The following SLC30A1 variants were observed in gnomAD, a reference collection of about 807,000 sequenced individuals.
SLC30A1 encodes the protein proton-coupled zinc antiporter SLC30A1.
SLC30A1 carries 7 observed loss-of-function variants against 29.8 expected under a neutral mutation model. That is an observed-to-expected ratio of 0.23 (90% CI 0.13 to 0.44). The LOEUF is 0.44. Ranked by LOEUF, SLC30A1 falls within the 20% of genes least tolerant of loss-of-function variation. The pLI, the probability that SLC30A1 is intolerant of heterozygous loss-of-function variation, is 1.00. For missense variants in SLC30A1, 446 were observed against 647.9 expected (o/e 0.69, Z 3.38); for synonymous variants, 254 against 253.5 (o/e 1.00, Z -0.02).
At position 211,575,181 on chromosome 1, in the gene SLC30A1, A is replaced by G; in HGVS notation, c.*207T>C. The G allele has an allele frequency of 2.2e-6, 1 of 461,668 alleles. No homozygotes were observed. Among genetic ancestry groups the G allele is most frequent in the South Asian group, 4.7e-5 (1 of 21,212 alleles). 28.6% of individuals were successfully genotyped at this position (461,668 alleles called of 1,614,324 possible). A position where few individuals can be genotyped will look rare whatever the true frequency, so the allele number is the denominator to read the frequency against. On this transcript the variant is annotated 3_prime_UTR_variant, in exon 2 of 2. Coordinates refer to ENST00000367001, the MANE Select transcript of SLC30A1 (RefSeq NM_021194.3). This position sits in a 1 kb window ranked among gnomAD's most constrained non-coding sequence, Gnocchi z 6.0. ...AAAACTGGCTTTCCAAAACAGTCAC[A>G]GCATAGCTGTACTCTGTACTAATAA...
rs1047304455 is a variant in SLC30A1, at chr1:211,577,911, C to T, written c.622+80G>A. The stretch of plus-strand genomic sequence containing the variant: ...GCCCGCTCGGGCAGCAGGGGGCGTG[C>T]GGGCCACCCCGCCGAAGGCCAGGCG... On this transcript the variant is annotated intron_variant, in intron 1 of 1. Coordinates refer to ENST00000367001, the MANE Select transcript of SLC30A1 (RefSeq NM_021194.3). This position sits in a 1 kb window ranked among gnomAD's most constrained non-coding sequence, Gnocchi z 4.5. The T allele has an allele frequency of 6.4e-7, 1 of 1,568,732 alleles. No homozygotes were observed. Among genetic ancestry groups the T allele is most frequent in the Non-Finnish European group, 8.6e-7 (1 of 1,158,648 alleles).
chr1:211,576,355 T>G, intron 1 of SLC30A1, 66 bp from the exon 2 acceptor site: 1 of 1,120,058 alleles, frequency 8.9e-7, no homozygotes, highest in South Asian at 1.8e-5. Context: ...CCTTGTCTAA[T>G]TCTTTTTAAG....
At position 211,571,846 on chromosome 1, in the gene SLC30A1, C is replaced by T. The variant is rs1316942019; in HGVS notation, c.*3542G>A. 1 of 152,160 alleles carries T rather than the reference C, an allele frequency of 6.6e-6. No homozygotes were observed. Among genetic ancestry groups the T allele is most frequent in the Non-Finnish European group, 1.5e-5 (1 of 68,008 alleles). The allele number at this position is 152,160 out of a possible 1,614,324, so 9.4% of individuals were successfully genotyped here. On this transcript the variant is annotated 3_prime_UTR_variant, in exon 2 of 2. Transcript: ENST00000367001. ...GGCCCAAAGGACAGGCAACAGAAGA[C>T]ACAAAACAACACAACATATAAGTTT...
In SLC30A1 at chr1:211,575,376, C is replaced by G. The variant is rs201049709; in HGVS notation, c.*12G>C. 6.4e-7 allele frequency: 1 copy of G among 1,555,272 alleles called. No homozygotes were observed. Among genetic ancestry groups the G allele is most frequent in the African/African-American group, 1.4e-5 (1 of 72,444 alleles). On this transcript the variant is annotated 3_prime_UTR_variant, in exon 2 of 2. Transcript: ENST00000367001. This position sits in a 1 kb window ranked among gnomAD's most constrained non-coding sequence, Gnocchi z 6.0. ...TTAAAGCAAAAGTCAAATATCACAT[C>G]TTTTTCAAGACTCACAAAGATGATT...
rs940213473 is a variant in SLC30A1 at position 211,571,658 on chromosome 1, A to C, written c.*3730T>G. On this transcript the variant is annotated 3_prime_UTR_variant, in exon 2 of 2. Transcript: ENST00000367001. Reference sequence around the variant, plus strand: ...GTCTCATATAGAACATTTATAATACATAACAATCCATAAAGCCTCATGGTG... The same window carrying C: ...GTCTCATATAGAACATTTATAATACCTAACAATCCATAAAGCCTCATGGTG... 3 of 146,464 alleles carry C rather than the reference A, an allele frequency of 2.0e-5. No individual in the cohort carries two copies. The highest frequency in any genetic ancestry group is 7.3e-5 in the African/African-American group (3 of 41,086). 9.1% of individuals were successfully genotyped at this position (146,464 alleles called of 1,614,324 possible).
Position 211,579,022 on chromosome 1 carries a change from C to G in SLC30A1, c.-410G>C, listed in dbSNP as rs1394440183. ...CAGGAGAGGGCGACGGGCAGCTTCGCGCCGAGAAAGCTCCGAGCATCTGAG... is the reference window on the plus strand; with the variant it reads ...CAGGAGAGGGCGACGGGCAGCTTCGGGCCGAGAAAGCTCCGAGCATCTGAG... On this transcript the variant is annotated 5_prime_UTR_variant, in exon 1 of 2. Coordinates refer to ENST00000367001, the MANE Select transcript of SLC30A1 (RefSeq NM_021194.3). Among the ~76,000 whole-genome samples, 1 of 152,158 alleles carries G rather than the reference C, an allele frequency of 6.6e-6. No individual in the cohort carries two copies. The highest frequency in any genetic ancestry group is 1.5e-5 in the Non-Finnish European group (1 of 68,012).
chr1:211,571,826 A>G lies in SLC30A1; in HGVS notation c.*3562T>C, dbSNP rs1439490375. ...CATTTAACTGGCCCACATCTGGCCC[A>G]AAGGACAGGCAACAGAAGACACAAA... On this transcript the variant is annotated 3_prime_UTR_variant, in exon 2 of 2. Coordinates refer to ENST00000367001, the MANE Select transcript of SLC30A1 (RefSeq NM_021194.3). The G allele has an allele frequency of 6.6e-6, 1 of 152,216 alleles. No homozygotes were observed. The highest frequency in any genetic ancestry group is 1.5e-5 in the Non-Finnish European group (1 of 68,018). The allele number at this position is 152,216 out of a possible 1,614,324, so 9.4% of individuals were successfully genotyped here.
rs745742605 is a variant in SLC30A1, at chr1:211,575,341, C to G, written c.*47G>C. ...TTAGAATTTCAGTGGAGTCTTTTTC[C>G]TCTTGCAGTTTAAAGCAAAAGTCAA... On this transcript the variant is annotated 3_prime_UTR_variant, in exon 2 of 2. Transcript: ENST00000367001. This position sits in a 1 kb window ranked among gnomAD's most constrained non-coding sequence, Gnocchi z 6.0. 1 of 1,481,324 alleles carries G rather than the reference C, an allele frequency of 6.8e-7. No individual in the cohort carries two copies. The highest frequency in any genetic ancestry group is 2.3e-5 in the East Asian group (1 of 44,046). The allele number at this position is 1,481,324 out of a possible 1,614,324, so 91.8% of individuals were successfully genotyped here.
Position 211,578,136 on chromosome 1 carries a change from G to A in SLC30A1, c.477C>T (p.Leu159=), listed in dbSNP as rs890632105. Residue 159 remains leucine (L), a synonymous_variant, in exon 1 of 2, where the codon CTC becomes CTT. Transcript: ENST00000367001. ...SHGGHGHGHG[L]PKGPRVKSTR... ...TGCTCTTAACGCGAGGCCCCTTGGG[G>A]AGGCCGTGGCCGTGGCCGTGACCCC... 1 of 1,608,902 alleles carries A rather than the reference G, an allele frequency of 6.2e-7. No homozygotes were observed. Among genetic ancestry groups the A allele is most frequent in the Admixed American group, 1.7e-5 (1 of 59,520 alleles).
In SLC30A1 at chr1:211,578,601, C is replaced by G; in HGVS notation, c.12G>C (p.Trp4Cys). 3.8e-6 allele frequency: 6 copies of G among 1,595,000 alleles called. No homozygotes were observed. Among genetic ancestry groups the G allele is most frequent in the Non-Finnish European group, 5.1e-6 (6 of 1,176,252 alleles). ...ACAGCAGCCGGCCCCGGTTCCGACC[C>G]CAACACCCCATGGCTGCGGCTGCGG... MGC[W>C]GRNRGRLLCM... The change falls in exon 1 of 2, where the codon TGG (tryptophan) becomes TGC (cysteine). Residue 4 changes from tryptophan to cysteine, a missense_variant. By Grantham distance (215) the Trp-to-Cys change is radical. Around this residue, in one of 5 missense-constraint regions of SLC30A1, gnomAD observed 62 missense variants for 91.5 expected, o/e 0.68. Coordinates refer to ENST00000367001, the MANE Select transcript of SLC30A1 (RefSeq NM_021194.3).
rs1246954935 is a variant in SLC30A1, at chr1:211,571,855, A to C, written c.*3533T>G. The C allele has an allele frequency of 6.6e-6, 1 of 152,196 alleles. No individual in the cohort carries two copies. Among genetic ancestry groups the C allele is most frequent in the East Asian group, 1.9e-4 (1 of 5,208 alleles). The allele number at this position is 152,196 out of a possible 1,614,324, so 9.4% of individuals were successfully genotyped here. ...GACAGGCAACAGAAGACACAAAACA[A>C]CACAACATATAAGTTTCATAATCAC... is the stretch of plus-strand genomic sequence containing the variant. On this transcript the variant is annotated 3_prime_UTR_variant, in exon 2 of 2. Transcript: ENST00000367001.
rs1436936894 is a variant in SLC30A1 at position 211,579,142 on chromosome 1, CG to C, written c.-531del. ...GCGGCCACGGCAGCTGCACTCGGCC[CG>C]GTCTCGGGCGCCTTCTTCGCCCCCC... On this transcript the variant is annotated 5_prime_UTR_variant, in exon 1 of 2. Coordinates refer to ENST00000367001, the MANE Select transcript of SLC30A1 (RefSeq NM_021194.3). Among the ~76,000 whole-genome samples the C allele has an allele frequency of 3.3e-5, 5 of 152,240 alleles. No individual in the cohort carries two copies. Among genetic ancestry groups the C allele is most frequent in the Admixed American group, 6.5e-5 (1 of 15,286 alleles).
In SLC30A1 at chr1:211,577,209, G is replaced by T. The variant is rs1385724165; in HGVS notation, c.622+782C>A. 6.6e-6 allele frequency among the ~76,000 whole-genome samples: 1 copy of T among 152,162 alleles called. No homozygotes were observed. The highest frequency in any genetic ancestry group is 1.5e-5 in the Non-Finnish European group (1 of 68,036). On this transcript the variant is annotated intron_variant, in intron 1 of 1. Transcript: ENST00000367001. The surrounding 1 kb of genome is among the most constrained non-coding windows in gnomAD (Gnocchi z 4.5). The stretch of plus-strand genomic sequence containing the variant: ...CATTGAGCTTGGGTAGTAGGACACT[G>T]GTTGAGTCATTTCCATCTCCTTTCT...
At position 211,577,884 on chromosome 1, in the gene SLC30A1, A is replaced by C. The variant is rs1706740220; in HGVS notation, c.622+107T>G. 17 of 1,450,252 alleles carry C rather than the reference A, an allele frequency of 1.2e-5. No individual in the cohort carries two copies. The South Asian group carries it at 2.0e-4, about 17-fold the overall frequency. The allele number at this position is 1,450,252 out of a possible 1,614,324, so 89.8% of individuals were successfully genotyped here. On this transcript the variant is annotated intron_variant, in intron 1 of 1. Coordinates refer to ENST00000367001, the MANE Select transcript of SLC30A1 (RefSeq NM_021194.3). The surrounding 1 kb of genome is among the most constrained non-coding windows in gnomAD (Gnocchi z 4.5). ...GGAGCAGGCAGGGGCGGCGCGGCGC[A>C]GGCCCGCTCGGGCAGCAGGGGGCGT...
intron 1 of SLC30A1, among the ~76,000 whole-genome samples, chr1:211,576,898 C>CAAAAGTATTGATCTTTTCA (rs1463436439): frequency 1.3e-5 from 2 of 151,968 alleles, no homozygotes; most frequent in African/African-American, 2.4e-5. Context: ...ACTTTTAAAT[C>CAAAAGTATTGATCTTTTCA]AAAAGTATTG....
Position 211,575,995 on chromosome 1 carries a change from T to G in SLC30A1, c.917A>C (p.Tyr306Ser). 1.9e-6 allele frequency: 3 copies of G among 1,613,820 alleles called. No homozygotes were observed. Among genetic ancestry groups the G allele is most frequent in the Non-Finnish European group, 2.5e-6 (3 of 1,179,904 alleles). The change falls in exon 2 of 2, where the codon TAT (tyrosine) becomes TCT (serine). Residue 306 changes from tyrosine to serine, a missense_variant. Transcript: ENST00000367001. This position sits in a 1 kb window ranked among gnomAD's most constrained non-coding sequence, Gnocchi z 6.0. Reference protein sequence around the residue: ...EIINSTHASVYEAGPCWVLYL... With the variant: ...EIINSTHASVSEAGPCWVLYL... ...TAGCACCCAGCAAGGACCAGCCTCA[T>G]AAACTGATGCATGAGTACTATTAAT... is the stretch of plus-strand genomic sequence containing the variant.
chr1:211,578,745 C>G lies in SLC30A1; in HGVS notation c.-133G>C, dbSNP rs1000724072. The G allele has an allele frequency of 4.7e-6, 4 of 858,860 alleles. No individual in the cohort carries two copies. In the African/African-American group the frequency reaches 7.2e-5, roughly 15 times the overall value. The allele number at this position is 858,860 out of a possible 1,614,324, so 53.2% of individuals were successfully genotyped here. ...GGCCGTTCGGGAAACCGCTGAGGGG[C>G]CCCCGCGGCCGCACGGGGACAAGCC... On this transcript the variant is annotated 5_prime_UTR_variant, in exon 1 of 2. Transcript: ENST00000367001.
At position 211,574,575 on chromosome 1, in the gene SLC30A1, AC is replaced by A. The variant is rs1706696563; in HGVS notation, c.*812del. Reference sequence around the variant, plus strand: ...AAATACTTATATATTTTGTAAATAAACTTGCAGCTCAATGTTTTTATACCAA... The same window carrying A: ...AAATACTTATATATTTTGTAAATAAATTGCAGCTCAATGTTTTTATACCAA... On this transcript the variant is annotated 3_prime_UTR_variant, in exon 2 of 2. Transcript: ENST00000367001. The A allele has an allele frequency of 6.6e-6, 1 of 152,198 alleles. No homozygotes were observed. Among genetic ancestry groups the A allele is most frequent in the Admixed American group, 6.5e-5 (1 of 15,280 alleles). 9.4% of individuals were successfully genotyped at this position (152,198 alleles called of 1,614,324 possible).
Position 211,576,148 on chromosome 1 carries a change from T to C in SLC30A1, c.764A>G (p.Asp255Gly). The change falls in exon 2 of 2, where the codon GAT becomes GGT. Residue 255 changes from aspartate (D) to glycine (G), a missense_variant. Asp to Gly is a moderately conservative substitution (Grantham distance 94). Coordinates refer to ENST00000367001, the MANE Select transcript of SLC30A1 (RefSeq NM_021194.3). Reference sequence around the variant, plus strand: ...TACTACAATCACTGAACCCAAGGCATCTCCAAGGACATGCAGAAAAACTCC... The same window carrying C: ...TACTACAATCACTGAACCCAAGGCACCTCCAAGGACATGCAGAAAAACTCC... Reference protein sequence around the residue: ...MRGVFLHVLGDALGSVIVVVN... With the variant: ...MRGVFLHVLGGALGSVIVVVN... 1 of 1,614,068 alleles carries C rather than the reference T, an allele frequency of 6.2e-7. No individual in the cohort carries two copies. The highest frequency in any genetic ancestry group is 8.5e-7 in the Non-Finnish European group (1 of 1,180,000).
Sources: gnomAD v4.1 joint callset for allele counts (sites outside exome capture counted in the v4.1 genomes callset) on GRCh38, gnomAD v4.1.1 for gene constraint, gnomAD v4.1.1 regional missense constraint, Gnocchi (gnomAD v3.1) non-coding constraint, MANE v1.5 for transcripts, NCBI Gene and HGNC (gene_info 2026-07-23, HGNC 2026-07-21) for gene names.